The following NTNG2 variants were observed in gnomAD, a reference collection of about 807,000 sequenced individuals.
NTNG2 encodes the protein netrin-G2.
In NTNG2, 15 loss-of-function variants were observed where a neutral mutation model predicts 47.6. The ratio of observed to expected loss-of-function variants is 0.32; its 90% confidence interval spans 0.21 to 0.49. The LOEUF (loss-of-function observed/expected upper bound fraction) is 0.49. Ranked by LOEUF, NTNG2 falls within the 20% of genes least tolerant of loss-of-function variation. NTNG2 has a pLI of 0.99. For synonymous variants in NTNG2, 307 were observed against 324.6 expected (o/e 0.95, Z 0.58); for missense variants, 578 against 764.6 (o/e 0.76, Z 2.88).
At chr9:132,239,524 C>T (rs904249947) in intron 6 of NTNG2, among the ~76,000 whole-genome samples, 1 of 152,236 alleles carries the variant, frequency 6.6e-6, no homozygotes, top group Non-Finnish European at 1.5e-5. Context: ...TGGCCCTTCC[C>T]TCTCTGGGCA....
At chr9:132,187,569 AAGAG>A (rs66498690) in intron 2 of NTNG2, among the ~76,000 whole-genome samples, 43,629 of 138,666 alleles carry the variant, frequency 0.31, 6,780 homozygotes, top group East Asian at 0.36. Flanking sequence ...GAGAGGGAGC[AAGAG>A]AGAGAGAGAG....
chr9:132,237,712 ATG>A (rs1274203854), intron 5 of NTNG2, among the ~76,000 whole-genome samples: 1 of 152,196 alleles, frequency 6.6e-6, no homozygotes, highest in Non-Finnish European at 1.5e-5. Context: ...GGGAGCAGGT[ATG>A]AGTCAGAAGC....
Position 132,218,145 on chromosome 9 carries a change from C to T in NTNG2, c.858-8704C>T, listed in dbSNP as rs933545840. Reference sequence around the variant, plus strand: ...CCATGAGCTGGGCAGAAGCCCTGCCCACCAGCACCATGGGGGCTCCCGGCT... The same window carrying T: ...CCATGAGCTGGGCAGAAGCCCTGCCTACCAGCACCATGGGGGCTCCCGGCT... On this transcript the variant is annotated intron_variant, in intron 3 of 7. Transcript: ENST00000393229. This position sits in a 1 kb window ranked among gnomAD's most constrained non-coding sequence, Gnocchi z 5.4. Among the ~76,000 whole-genome samples the T allele has an allele frequency of 2.6e-5, 4 of 152,220 alleles. No homozygotes were observed. The highest frequency in any genetic ancestry group is 6.5e-5 in the Admixed American group (1 of 15,286).
intron 3 of NTNG2, among the ~76,000 whole-genome samples, chr9:132,210,631 C>T (rs1317905099): frequency 1.3e-5 from 2 of 152,206 alleles, no homozygotes; most frequent in African/African-American, 2.4e-5. Flanking sequence ...AGGCTCCTGT[C>T]CCCCCGACCC....
chr9:132,170,297 A>G (rs1445856440), intron 2 of NTNG2, among the ~76,000 whole-genome samples: 1 of 152,386 alleles, frequency 6.6e-6, no homozygotes, highest in African/African-American at 2.4e-5. Flanking sequence ...ATGAATAAAT[A>G]AAAACCTATT....
Position 132,180,304 on chromosome 9 carries a change from A to G in NTNG2, c.213+13260A>G, listed in dbSNP as rs10116734. On this transcript the variant is annotated intron_variant, in intron 2 of 7. Transcript: ENST00000393229. This position sits in a 1 kb window ranked among gnomAD's most constrained non-coding sequence, Gnocchi z 4.2. ...TGAGCCCACGGTGCTCCTGCCCTCC[A>G]CCAAGGCAGGCCATCCTCTGCTGCC... 0.39 allele frequency among the ~76,000 whole-genome samples: 58,657 copies of G among 152,192 alleles called. 13,459 individuals are homozygous for G. Among genetic ancestry groups the G allele is most frequent in the African/African-American group, 0.64 (26,539 of 41,532 alleles).
At chr9:132,194,054 G>A (rs1030194390) in intron 2 of NTNG2, among the ~76,000 whole-genome samples, 2 of 152,192 alleles carry the variant, frequency 1.3e-5, no homozygotes, top group Non-Finnish European at 2.9e-5. Flanking sequence ...TCTTGAAAGA[G>A]AATCTGTCTC....
chr9:132,162,733 C>T lies in NTNG2; in HGVS notation c.-484+494C>T, dbSNP rs1417747551. ...CCACCGCTTAGAGCCACCCCCATCC[C>T]GTGCCCTCCCATCTCTCTGCAAACT... On this transcript the variant is annotated intron_variant, in intron 1 of 7. Coordinates refer to ENST00000393229, the MANE Select transcript of NTNG2 (RefSeq NM_032536.4). This position sits in a 1 kb window ranked among gnomAD's most constrained non-coding sequence, Gnocchi z 4.6. Among the ~76,000 whole-genome samples, 2 of 151,898 alleles carry T rather than the reference C, an allele frequency of 1.3e-5. No individual in the cohort carries two copies. Among genetic ancestry groups the T allele is most frequent in the African/African-American group, 4.8e-5 (2 of 41,326 alleles).
intron 4 of NTNG2, among the ~76,000 whole-genome samples, chr9:132,228,425 C>A (rs1273235449): frequency 6.6e-6 from 1 of 152,202 alleles, no homozygotes; most frequent in Non-Finnish European, 1.5e-5. Flanking sequence ...GTGGTCCAAA[C>A]CCTTTCCTGA....
rs3824574 is a variant in NTNG2, at chr9:132,198,490, C to T, written c.738C>T (p.Phe246=). The T allele has an allele frequency of 0.32, 508,324 of 1,612,962 alleles. 81,327 individuals are homozygous for T. The highest frequency in any genetic ancestry group is 0.38 in the East Asian group (17,044 of 44,860). Residue 246 remains phenylalanine, a synonymous_variant, in exon 3 of 8, where the codon TTC becomes TTT. Transcript: ENST00000393229. ...AGAGCGCCAAGGGCCTCAAGGAGTT[C>T]TTCACCCTCACCGACCTGCGCATGC... is the stretch of plus-strand genomic sequence containing the variant. ...RLESAKGLKE[F]FTLTDLRMRL...
rs62577498 is a variant in NTNG2 at position 132,202,892 on chromosome 9, A to C, written c.857+4283A>C. Among the ~76,000 whole-genome samples, 613 of 152,288 alleles carry C rather than the reference A, an allele frequency of 4.0e-3. 4 individuals carry two copies. The highest frequency in any genetic ancestry group is 6.9e-3 in the Non-Finnish European group (472 of 68,010). ...GCTGCTGCATCCATGGAGATGGATG[A>C]CTGTAACCTGTTGGAACCTCAGTTT... On this transcript the variant is annotated intron_variant, in intron 3 of 7. Coordinates refer to ENST00000393229, the MANE Select transcript of NTNG2 (RefSeq NM_032536.4).
Position 132,182,312 on chromosome 9 carries a change from C to G in NTNG2, c.213+15268C>G, listed in dbSNP as rs1837007882. On this transcript the variant is annotated intron_variant, in intron 2 of 7. Transcript: ENST00000393229. This position sits in a 1 kb window ranked among gnomAD's most constrained non-coding sequence, Gnocchi z 4.2. ...GCCTAAAAATAGAGGGTGGAGGGTG[C>G]AGGGGGTGGAGGAGTGTGCTGTCTG... Among the ~76,000 whole-genome samples, 2 of 152,118 alleles carry G rather than the reference C, an allele frequency of 1.3e-5. No individual in the cohort carries two copies. Among genetic ancestry groups the G allele is most frequent in the African/African-American group, 4.8e-5 (2 of 41,420 alleles).
intron 3 of NTNG2, among the ~76,000 whole-genome samples, chr9:132,213,684 C>T (rs1272413610): frequency 8.1e-6 from 1 of 123,354 alleles, no homozygotes; most frequent in African/African-American, 3.3e-5. Flanking sequence ...CCCAGAGGCT[C>T]ATGAAAAATG....
At position 132,163,919 on chromosome 9, in the gene NTNG2, G is replaced by A. The variant is rs1232901906; in HGVS notation, c.-484+1680G>A. Reference sequence around the variant, plus strand: ...AGCACATTGATTCTATTTGTTTCTGGGAGCTGCAGTTTCTTAATAATATCA... The same window carrying A: ...AGCACATTGATTCTATTTGTTTCTGAGAGCTGCAGTTTCTTAATAATATCA... On this transcript the variant is annotated intron_variant, in intron 1 of 7. Transcript: ENST00000393229. This position sits in a 1 kb window ranked among gnomAD's most constrained non-coding sequence, Gnocchi z 7.2. Among the ~76,000 whole-genome samples, 2 of 152,148 alleles carry A rather than the reference G, an allele frequency of 1.3e-5. No individual in the cohort carries two copies. Among genetic ancestry groups the A allele is most frequent in the Admixed American group, 6.5e-5 (1 of 15,278 alleles).
chr9:132,194,940 A>G (rs1838170131), intron 2 of NTNG2, among the ~76,000 whole-genome samples: 1 of 152,172 alleles, frequency 6.6e-6, no homozygotes. Flanking sequence ...CATTTCCCCC[A>G]TGGGGGCCAA....
At chr9:132,230,626 GC>G (rs1589541112) in intron 5 of NTNG2, 31 bp downstream of exon 5, 2 of 1,593,122 alleles carry the variant, frequency 1.3e-6, no homozygotes, top group East Asian at 2.3e-5. Context: ...GGTGGCCAGG[GC>G]CCCCACTGCA....
chr9:132,166,513 G>A lies in NTNG2; in HGVS notation c.-319G>A. The A allele has an allele frequency of 2.6e-6, 1 of 378,962 alleles. No individual in the cohort carries two copies. Among genetic ancestry groups the A allele is most frequent in the Non-Finnish European group, 5.0e-6 (1 of 200,456 alleles). The allele number at this position is 378,962 out of a possible 1,614,324, so 23.5% of individuals were successfully genotyped here. ...CCATTTCCATCCACTGTCACAATTTGAGAATCTGCCTGATTTGATCAGATT... is the reference window on the plus strand; with the variant it reads ...CCATTTCCATCCACTGTCACAATTTAAGAATCTGCCTGATTTGATCAGATT... On this transcript the variant is annotated 5_prime_UTR_variant, in exon 2 of 8. Transcript: ENST00000393229.
chr9:132,183,798 G>C (rs1016858060), intron 2 of NTNG2, among the ~76,000 whole-genome samples: 1 of 152,146 alleles, frequency 6.6e-6, no homozygotes, highest in Non-Finnish European at 1.5e-5. Flanking sequence ...CTCAAACCTG[G>C]CCACACATCT....
At chr9:132,167,291 A>G (rs912960202) in intron 2 of NTNG2, among the ~76,000 whole-genome samples, 1 of 152,252 alleles carries the variant, frequency 6.6e-6, no homozygotes, top group Non-Finnish European at 1.5e-5. Flanking sequence ...ATTCTCGGCC[A>G]GCTGGCCACT....
Sources: gnomAD v4.1 joint callset for allele counts (sites outside exome capture counted in the v4.1 genomes callset) on GRCh38, gnomAD v4.1.1 for gene constraint, Gnocchi (gnomAD v3.1) non-coding constraint, MANE v1.5 for transcripts, NCBI Gene and HGNC (gene_info 2026-07-23, HGNC 2026-07-21) for gene names.